Variants in COL23A1 observed in about 807,000 individuals in gnomAD.
COL23A1 encodes the protein collagen alpha-1(XXIII) chain.
In COL23A1, 97 loss-of-function variants were observed where a neutral mutation model predicts 99.3. The ratio of observed to expected loss-of-function variants is 0.98; its 90% CI spans 0.83 to 1.16. COL23A1 has a LOEUF of 1.16. COL23A1 is among the 50% of genes most tolerant of loss of function. The pLI, the probability that COL23A1 is intolerant of heterozygous loss-of-function variation, is 0.00. For synonymous variants in COL23A1, 320 were observed against 308.2 expected (o/e 1.04, Z -0.40); for missense variants, 762 against 757.4 (o/e 1.01, Z -0.07).
intron 2 of COL23A1, among the ~76,000 whole-genome samples, chr5:178,408,920 A>G (rs1374716088): frequency 7.0e-6 from 1 of 143,370 alleles, no homozygotes; most frequent in African/African-American, 2.6e-5. Context: ...GTGCCACTGC[A>G]CTCCAGCCTG....
intron 2 of COL23A1, among the ~76,000 whole-genome samples, chr5:178,552,345 G>C (rs1417534673): frequency 6.6e-6 from 1 of 152,116 alleles, no homozygotes. Flanking sequence ...TGAAGCGAGG[G>C]AATGGCAACC....
At chr5:178,399,276 C>A (rs1243651456) in intron 2 of COL23A1, among the ~76,000 whole-genome samples, 1 of 152,124 alleles carries the variant, frequency 6.6e-6, no homozygotes, top group Non-Finnish European at 1.5e-5. Flanking sequence ...GCAGCCAGCA[C>A]AGAGAAGAGA....
At chr5:178,555,297 T>C (rs1330031879) in intron 2 of COL23A1, among the ~76,000 whole-genome samples, 1 of 152,158 alleles carries the variant, frequency 6.6e-6, no homozygotes, top group African/African-American at 2.4e-5. Context: ...GACTTCAAGA[T>C]ACGAATATGG....
In COL23A1 at chr5:178,560,655, C is replaced by G. The variant is rs1296649946; in HGVS notation, c.361+27G>C. The G allele has an allele frequency of 3.1e-6, 5 of 1,604,250 alleles. No homozygotes were observed. The African/African-American group carries it at 5.4e-5, about 17-fold the overall frequency. On this transcript the variant is annotated intron_variant, in intron 2 of 28. Coordinates refer to ENST00000390654, the MANE Select transcript of COL23A1 (RefSeq NM_173465.4). The stretch of plus-strand genomic sequence containing the variant: ...AGCAAACGGCGGCCGAACGCAGGAG[C>G]CAGAAGGGAGCTCAACCTTCACTTA...
chr5:178,432,410 G>A lies in COL23A1; in HGVS notation c.362-125491C>T, dbSNP rs115812555. Among the ~76,000 whole-genome samples, 713 of 152,308 alleles carry A rather than the reference G, an allele frequency of 4.7e-3. 4 individuals carry two copies. The highest frequency in any genetic ancestry group is 0.016 in the African/African-American group (672 of 41,570). On this transcript the variant is annotated intron_variant, in intron 2 of 28. Coordinates refer to ENST00000390654, the MANE Select transcript of COL23A1 (RefSeq NM_173465.4). ...TACCACCCCTCAGCTGGAGTGATAAGTGGCAGGAGGTTGTGGGGACCCTGG... is the reference window on the plus strand; with the variant it reads ...TACCACCCCTCAGCTGGAGTGATAAATGGCAGGAGGTTGTGGGGACCCTGG...
At chr5:178,314,877 T>TA (rs1482175367) in intron 2 of COL23A1, among the ~76,000 whole-genome samples, 1 of 152,206 alleles carries the variant, frequency 6.6e-6, no homozygotes, top group Non-Finnish European at 1.5e-5. Context: ...GTCATGTCCT[T>TA]AAACACTGCC....
At chr5:178,265,203 A>C (rs1164330603) in intron 8 of COL23A1, among the ~76,000 whole-genome samples, 2 of 152,240 alleles carry the variant, frequency 1.3e-5, no homozygotes, top group African/African-American at 4.8e-5. Context: ...CCAATTAAAA[A>C]ATCAGCAGAA....
At chr5:178,584,250 T>C (rs936479562) in intron 1 of COL23A1, among the ~76,000 whole-genome samples, 10 of 150,914 alleles carry the variant, frequency 6.6e-5, no homozygotes, top group African/African-American at 2.0e-4. Flanking sequence ...CCTCAGGTGA[T>C]CCACCCACTT....
At chr5:178,358,483 ATATG>A (rs748578184) in intron 2 of COL23A1, among the ~76,000 whole-genome samples, 2 of 134,350 alleles carry the variant, frequency 1.5e-5, no homozygotes, top group East Asian at 2.2e-4. Flanking sequence ...GTATGCGTAT[ATATG>A]TGTGTGTATG....
At chr5:178,416,323 C>T (rs1056564471) in intron 2 of COL23A1, among the ~76,000 whole-genome samples, 9 of 152,188 alleles carry the variant, frequency 5.9e-5, no homozygotes, top group Non-Finnish European at 1.3e-4. Context: ...GACAGCCCTG[C>T]AGCTGGCCTG....
intron 2 of COL23A1, among the ~76,000 whole-genome samples, chr5:178,438,509 T>C (rs1356667934): frequency 6.6e-6 from 1 of 152,326 alleles, no homozygotes; most frequent in East Asian, 1.9e-4. Context: ...ATGTATCATA[T>C]GCTATGGAGA....
chr5:178,347,923 A>C (rs1330586811), intron 2 of COL23A1, among the ~76,000 whole-genome samples: 32 of 151,982 alleles, frequency 2.1e-4, no homozygotes, highest in African/African-American at 7.5e-4. Flanking sequence ...CAAAAAAAAA[A>C]CAAAGAATAA....
chr5:178,249,985 G>GCACACACACACACA lies in COL23A1; in HGVS notation c.1059+62_1059+75dup, dbSNP rs5873601. On this transcript the variant is annotated intron_variant, in intron 18 of 28. Coordinates refer to ENST00000390654, the MANE Select transcript of COL23A1 (RefSeq NM_173465.4). ...TCTAACTCTGTGCACACATGCACAC[G>GCACACACACACACA]CACACACACACACACACACACACAG... 6.1e-6 allele frequency: 8 copies of GCACACACACACACA among 1,307,842 alleles called. No individual in the cohort carries two copies. The African/African-American group carries it at 1.1e-4, about 18-fold the overall frequency. 81.0% of individuals were successfully genotyped at this position (1,307,842 alleles called of 1,614,324 possible). A position where few individuals can be genotyped will look rare whatever the true frequency, so the allele number is the denominator to read the frequency against.
intron 5 of COL23A1, among the ~76,000 whole-genome samples, chr5:178,277,136 TAGG>T (rs1756631439): frequency 2.0e-5 from 3 of 151,390 alleles, no homozygotes; most frequent in Admixed American, 2.0e-4. Context: ...AAGGTCAATG[TAGG>T]AGGATTACCC....
chr5:178,536,605 G>C (rs1437092120), intron 2 of COL23A1, among the ~76,000 whole-genome samples: 1 of 152,196 alleles, frequency 6.6e-6, no homozygotes, highest in Non-Finnish European at 1.5e-5. Flanking sequence ...CAAGCCTGAT[G>C]GCCTCACACT....
chr5:178,431,517 G>T (rs1490619379), intron 2 of COL23A1, among the ~76,000 whole-genome samples: 1 of 152,144 alleles, frequency 6.6e-6, no homozygotes, highest in Non-Finnish European at 1.5e-5. Flanking sequence ...GATTAGTTTG[G>T]CCCCAGACGT....
intron 1 of COL23A1, among the ~76,000 whole-genome samples, chr5:178,586,255 C>A (rs905936446): frequency 6.6e-6 from 1 of 152,220 alleles, no homozygotes; most frequent in Non-Finnish European, 1.5e-5. Flanking sequence ...TATTTACCAT[C>A]CTGTACTTTT....
At position 178,468,304 on chromosome 5, in the gene COL23A1, A is replaced by T. The variant is rs1756536843; in HGVS notation, c.361+92378T>A. Among the ~76,000 whole-genome samples the T allele has an allele frequency of 2.6e-5, 4 of 151,948 alleles. No homozygotes were observed. The highest frequency in any genetic ancestry group is 6.6e-5 in the Admixed American group (1 of 15,258). On this transcript the variant is annotated intron_variant, in intron 2 of 28. Coordinates refer to ENST00000390654, the MANE Select transcript of COL23A1 (RefSeq NM_173465.4). The surrounding 1 kb of genome is among the most constrained non-coding windows in gnomAD (Gnocchi z 4.2). ...ATCGGGAAGGTCTAAATCCAAGCTC[A>T]TTAATAGGCCAGAGGGTGAGAGAGA... is the stretch of plus-strand genomic sequence containing the variant.
intron 2 of COL23A1, among the ~76,000 whole-genome samples, chr5:178,449,680 C>T (rs1233882883): frequency 2.6e-5 from 4 of 151,992 alleles, no homozygotes; most frequent in Non-Finnish European, 4.4e-5. Context: ...CCCCACCCCA[C>T]CTTTTTACTA....
Sources: gnomAD v4.1 joint callset for allele counts (sites outside exome capture counted in the v4.1 genomes callset) on GRCh38, gnomAD v4.1.1 for gene constraint, Gnocchi (gnomAD v3.1) non-coding constraint, MANE v1.5 for transcripts, NCBI Gene and HGNC (gene_info 2026-07-23, HGNC 2026-07-21) for gene names.